ENPP6: variants seen among roughly 807,000 people sequenced by gnomAD.
ENPP6 encodes the protein ectonucleotide pyrophosphatase/phosphodiesterase 6.
In ENPP6, 32 loss-of-function variants were observed where a neutral mutation model predicts 42.0. The observed-to-expected ratio is 0.76, with a 90% CI of 0.58 to 1.02. ENPP6 has a LOEUF of 1.02. ENPP6 is among the 50% of genes least tolerant of loss of function. ENPP6 has a pLI of 0.00. For synonymous variants in ENPP6, 213 were observed against 216.0 expected (o/e 0.99, Z 0.12); for missense variants, 552 against 566.8 (o/e 0.97, Z 0.27).
chr4:184,205,349 C>T (rs1042313937), intron 1 of ENPP6, among the ~76,000 whole-genome samples: 14 of 152,160 alleles, frequency 9.2e-5, no homozygotes, highest in South Asian at 2.1e-4. Flanking sequence ...AAGACGCATC[C>T]GCCACGGTGA....
chr4:184,213,255 G>A lies in ENPP6; in HGVS notation c.241+4324C>T, dbSNP rs1477458011. 2.3e-3 allele frequency among the ~76,000 whole-genome samples: 347 copies of A among 150,516 alleles called. 2 individuals carry two copies. The highest frequency in any genetic ancestry group is 8.1e-3 in the African/African-American group (325 of 40,020). Reference sequence around the variant, plus strand: ...TTGACAAATGGGATCTAATTAAACTGAAGAGCTTCTGCACAGCAAAAGAAA... The same window carrying A: ...TTGACAAATGGGATCTAATTAAACTAAAGAGCTTCTGCACAGCAAAAGAAA... On this transcript the variant is annotated intron_variant, in intron 1 of 7. Coordinates refer to ENST00000296741, the MANE Select transcript of ENPP6 (RefSeq NM_153343.4).
intron 6 of ENPP6, among the ~76,000 whole-genome samples, chr4:184,098,080 CCTCT>C (rs1735942125): frequency 6.6e-6 from 1 of 150,504 alleles, no homozygotes; most frequent in Non-Finnish European, 1.5e-5. Flanking sequence ...CTATGTGGTG[CCTCT>C]CTAAGGGCCA....
chr4:184,125,763 G>GT (rs1269565051), intron 2 of ENPP6, among the ~76,000 whole-genome samples: 2 of 152,096 alleles, frequency 1.3e-5, no homozygotes, highest in Non-Finnish European at 2.9e-5. Flanking sequence ...TCCAAAACAT[G>GT]TTTTTTGAGA....
chr4:184,197,970 C>T (rs1478974570), intron 1 of ENPP6, among the ~76,000 whole-genome samples: 1 of 152,124 alleles, frequency 6.6e-6, no homozygotes, highest in African/African-American at 2.4e-5. Context: ...AGGATGAACA[C>T]AGCAGTGGTG....
At chr4:184,136,182 T>C (rs1736727932) in intron 2 of ENPP6, among the ~76,000 whole-genome samples, 1 of 86,226 alleles carries the variant, frequency 1.2e-5, no homozygotes, top group African/African-American at 2.7e-5. Flanking sequence ...GAAATATTAG[T>C]CTATTAAAGT....
Position 184,116,959 on chromosome 4 carries a change from T to C in ENPP6, c.752A>G (p.Lys251Arg). 1 of 1,614,194 alleles carries C rather than the reference T, an allele frequency of 6.2e-7. No homozygotes were observed. Among genetic ancestry groups the C allele is most frequent in the South Asian group, 1.1e-5 (1 of 91,080 alleles). Residue 251 changes from lysine to arginine, a missense_variant, in exon 5 of 8, where the codon AAA (lysine) becomes AGA (arginine). Coordinates refer to ENST00000296741, the MANE Select transcript of ENPP6 (RefSeq NM_153343.4). ...GATGTACTTATTCAGCTCAATCACTTTGTCCATCCAGAAAATGTCGGTCAT... is the reference window on the plus strand; with the variant it reads ...GATGTACTTATTCAGCTCAATCACTCTGTCCATCCAGAAAATGTCGGTCAT... The part of the protein sequence containing the change: ...HGMTDIFWMD[K>R]VIELNKYISL...
At chr4:184,185,665 C>A (rs1344245491) in intron 1 of ENPP6, among the ~76,000 whole-genome samples, 1 of 152,158 alleles carries the variant, frequency 6.6e-6, no homozygotes, top group Non-Finnish European at 1.5e-5. Flanking sequence ...AACAATCAGA[C>A]AAATCCAAAA....
chr4:184,153,632 G>A lies in ENPP6; in HGVS notation c.343C>T (p.Leu115Phe). Reference protein sequence around the residue: ...IGVNKDSLMPLWWNGSEPLWV... With the variant: ...IGVNKDSLMPFWWNGSEPLWV... ...AGAGGTTCTGATCCATTCCACCAGA[G>A]AGGCATTAGGCTGTCTTTGTTGACG... The change falls in exon 2 of 8, where the codon CTC (leucine) becomes TTC (phenylalanine). Residue 115 changes from leucine (L) to phenylalanine (F), a missense_variant. Physicochemically the swap from Leu to Phe is conservative, Grantham distance 22. Transcript: ENST00000296741. 2 of 1,614,178 alleles carry A rather than the reference G, an allele frequency of 1.2e-6. No homozygotes were observed. Among genetic ancestry groups the A allele is most frequent in the Non-Finnish European group, 1.7e-6 (2 of 1,180,036 alleles).
At chr4:184,115,958 G>A (rs1736305351) in intron 5 of ENPP6, among the ~76,000 whole-genome samples, 1 of 152,262 alleles carries the variant, frequency 6.6e-6, no homozygotes, top group East Asian at 1.9e-4. Flanking sequence ...GTTCACGCCT[G>A]TAATCCCAGC....
At chr4:184,131,856 G>A (rs980006839) in intron 2 of ENPP6, among the ~76,000 whole-genome samples, 3 of 150,818 alleles carry the variant, frequency 2.0e-5, no homozygotes, top group African/African-American at 7.3e-5. Flanking sequence ...TATATTATGA[G>A]GAATTGGCTT....
intron 1 of ENPP6, among the ~76,000 whole-genome samples, chr4:184,156,301 C>T (rs1165098657): frequency 1.3e-5 from 2 of 152,168 alleles, no homozygotes; most frequent in African/African-American, 2.4e-5. Flanking sequence ...AGGCTGCAGT[C>T]TGTGCTTGGA....
intron 1 of ENPP6, among the ~76,000 whole-genome samples, chr4:184,165,811 A>G (rs558993015): frequency 2.8e-4 from 42 of 152,330 alleles, no homozygotes; most frequent in Admixed American, 2.1e-3. Context: ...ATACTATCTC[A>G]AATTGACATG....
intron 1 of ENPP6, among the ~76,000 whole-genome samples, chr4:184,181,326 G>A (rs1732547568): frequency 6.6e-6 from 1 of 152,124 alleles, no homozygotes; most frequent in Non-Finnish European, 1.5e-5. Flanking sequence ...CTTCTTCAAA[G>A]AGAACTACAA....
At chr4:184,208,088 G>T (rs1733031171) in intron 1 of ENPP6, among the ~76,000 whole-genome samples, 2 of 151,780 alleles carry the variant, frequency 1.3e-5, no homozygotes, top group Non-Finnish European at 1.5e-5. Context: ...TGAACTGGGG[G>T]ACAGGAGGAT....
chr4:184,175,129 A>G, intron 1 of ENPP6, among the ~76,000 whole-genome samples: 1 of 151,486 alleles, frequency 6.6e-6, no homozygotes, highest in Admixed American at 6.6e-5. Flanking sequence ...CCAGTGCCCC[A>G]CCTTGTGTCC....
chr4:184,178,635 G>T (rs1732490959), intron 1 of ENPP6, among the ~76,000 whole-genome samples: 1 of 152,142 alleles, frequency 6.6e-6, no homozygotes, highest in Non-Finnish European at 1.5e-5. Flanking sequence ...AGAAAGTCCA[G>T]GTCACCTACA....
intron 3 of ENPP6, among the ~76,000 whole-genome samples, chr4:184,122,404 ACAC>A (rs57184304): frequency 0.016 from 2,196 of 140,870 alleles, 41 homozygotes; most frequent in African/African-American, 0.04. Flanking sequence ...ACACACTCAT[ACAC>A]CACCACCACC....
intron 2 of ENPP6, among the ~76,000 whole-genome samples, chr4:184,135,128 T>G (rs1657159598): frequency 6.6e-6 from 1 of 152,176 alleles, no homozygotes; most frequent in Non-Finnish European, 1.5e-5. Context: ...ATGACCATTT[T>G]TGATAAATAT....
chr4:184,160,137 T>G (rs897855370), intron 1 of ENPP6, among the ~76,000 whole-genome samples: 1 of 152,222 alleles, frequency 6.6e-6, no homozygotes, highest in Admixed American at 6.5e-5. Flanking sequence ...CTTTTTTATA[T>G]AATGACTTCT....
Sources: allele counts gnomAD v4.1 joint callset (sites outside exome capture counted in the v4.1 genomes callset), GRCh38; gene constraint gnomAD v4.1.1; transcripts MANE v1.5; gene names NCBI Gene and HGNC (gene_info 2026-07-23, HGNC 2026-07-21).